MTSS1: variants seen among roughly 807,000 people sequenced by gnomAD.
The protein encoded by MTSS1 is MTSS I-BAR domain containing 1, also known as protein MTSS 1.
Under a neutral mutation model 79.0 loss-of-function variants are expected in MTSS1, and 18 were observed. The observed-to-expected ratio is 0.23, with a 90% CI of 0.16 to 0.34. The LOEUF is 0.34. Ranked by LOEUF, MTSS1 falls within the 10% of genes least tolerant of loss-of-function variation. The probability of loss-of-function intolerance (pLI) is 1.00; values close to 1 mark genes in which losing one functional copy is unlikely to be tolerated. For missense variants in MTSS1, 815 were observed against 986.2 expected (o/e 0.83, Z 2.33); for synonymous variants, 341 against 368.6 (o/e 0.93, Z 0.86).
intron 1 of MTSS1, among the ~76,000 whole-genome samples, chr8:124,705,043 C>T (rs79232599): frequency 0.014 from 2,193 of 152,174 alleles, 65 homozygotes; most frequent in African/African-American, 0.05. Context: ...AGGCAGGGAC[C>T]GACGTCTCCC....
chr8:124,553,400 G>T lies in MTSS1; in HGVS notation c.1860C>A (p.Thr620=), dbSNP rs772734706. The T allele has an allele frequency of 1.2e-6, 2 of 1,608,002 alleles. No individual in the cohort carries two copies. Among genetic ancestry groups the T allele is most frequent in the Non-Finnish European group, 1.7e-6 (2 of 1,175,566 alleles). ...CCCCTGGGAGGTCTGGGACGGTTGGGGTCTTGACAGGGATCACGGGTGTCT... is the reference window on the plus strand; with the variant it reads ...CCCCTGGGAGGTCTGGGACGGTTGGTGTCTTGACAGGGATCACGGGTGTCT... ...PIKTPVIPVK[T]PTVPDLPGVL... The change falls in exon 14 of 14, where the codon ACC becomes ACA. Residue 620 remains threonine, a synonymous_variant. Transcript: ENST00000518547. The surrounding 1 kb of genome is among the most constrained non-coding windows in gnomAD (Gnocchi z 6.0).
At chr8:124,592,961 G>T (rs13257822) in intron 3 of MTSS1, among the ~76,000 whole-genome samples, 1 of 152,032 alleles carries the variant, frequency 6.6e-6, no homozygotes, top group Admixed American at 6.5e-5. Flanking sequence ...GTTGAAACCA[G>T]TGCTGTAAAA....
At chr8:124,639,846 C>A (rs1208423702) in intron 3 of MTSS1, among the ~76,000 whole-genome samples, 1 of 152,202 alleles carries the variant, frequency 6.6e-6, no homozygotes, top group Non-Finnish European at 1.5e-5. Flanking sequence ...CGTTCAATTT[C>A]TTGCCCCAAT....
chr8:124,593,824 C>T (rs1367335557), intron 3 of MTSS1, among the ~76,000 whole-genome samples: 3 of 152,214 alleles, frequency 2.0e-5, no homozygotes, highest in Admixed American at 2.0e-4. Context: ...CATTTATCCC[C>T]TCAGGTATAT....
At chr8:124,602,188 C>CATATATATATATATATATATAT in intron 3 of MTSS1, among the ~76,000 whole-genome samples, 39 of 116,778 alleles carry the variant, frequency 3.3e-4, no homozygotes, top group African/African-American at 1.6e-3. Flanking sequence ...CATATATATA[C>CATATATATATATATATATATAT]ATATATATAT....
chr8:124,580,455 ACCTGGGCAG>A, intron 6 of MTSS1: 7 of 1,375,036 alleles, frequency 5.1e-6, no homozygotes, highest in Middle Eastern at 2.0e-4. Context: ...TGGTAGAAAA[ACCTGGGCAG>A]CTAGCAGAGG....
chr8:124,676,399 C>T (rs757195858), intron 3 of MTSS1, among the ~76,000 whole-genome samples: 3 of 152,202 alleles, frequency 2.0e-5, no homozygotes, highest in Non-Finnish European at 4.4e-5. Flanking sequence ...GTGACCAGAA[C>T]ACTCAGACCT....
rs78566090 is a variant in MTSS1 at position 124,727,963 on chromosome 8, G to A, written c.-8C>T. The A allele has an allele frequency of 0.057, 91,007 of 1,608,018 alleles. 3,039 individuals carry two copies. Among genetic ancestry groups the A allele is most frequent in the Admixed American group, 0.13 (7,784 of 59,338 alleles). Reference sequence around the variant, plus strand: ...CTCAATCACAGCCTCCATTTTCCCGGCTCCGGCAGGGCGAGGGCACACACG... The same window carrying A: ...CTCAATCACAGCCTCCATTTTCCCGACTCCGGCAGGGCGAGGGCACACACG... On this transcript the variant is annotated 5_prime_UTR_variant, in exon 1 of 14. Transcript: ENST00000518547. The surrounding 1 kb of genome is among the most constrained non-coding windows in gnomAD (Gnocchi z 4.7).
intron 3 of MTSS1, among the ~76,000 whole-genome samples, chr8:124,618,678 G>T (rs1812875162): frequency 6.6e-6 from 1 of 152,148 alleles, no homozygotes; most frequent in South Asian, 2.1e-4. Context: ...CTTCACACTG[G>T]CTCTGCAATG....
At chr8:124,704,251 A>C (rs988886257) in intron 1 of MTSS1, 60 bp from the exon 2 acceptor site, 8 of 1,403,482 alleles carry the variant, frequency 5.7e-6, no homozygotes, top group Non-Finnish European at 7.1e-6. Context: ...TTACTACATT[A>C]ACAGAGCACC....
At chr8:124,610,291 A>C (rs4464955) in intron 3 of MTSS1, among the ~76,000 whole-genome samples, 13,610 of 152,272 alleles carry the variant, frequency 0.089, 788 homozygotes, top group African/African-American at 0.16. Flanking sequence ...AAGTACCCAT[A>C]AGGCTGGAAC....
chr8:124,560,607 C>T (rs1042559363), intron 10 of MTSS1, among the ~76,000 whole-genome samples: 17 of 152,014 alleles, frequency 1.1e-4, no homozygotes, highest in Non-Finnish European at 1.3e-4. Context: ...CCTATGATCC[C>T]GCCACTGCAC....
chr8:124,558,668 G>C, intron 10 of MTSS1: 2 of 1,495,810 alleles, frequency 1.3e-6, no homozygotes, highest in Non-Finnish European at 1.8e-6. Context: ...CAGGCAGGGG[G>C]ACCAGGGAGA....
intron 3 of MTSS1, among the ~76,000 whole-genome samples, chr8:124,634,316 T>A (rs1297513180): frequency 6.6e-6 from 1 of 151,326 alleles, no homozygotes; most frequent in Admixed American, 6.6e-5. Flanking sequence ...GTTTTTTTTA[T>A]AGTTTTTTTT....
chr8:124,624,315 C>T (rs1004084079), intron 3 of MTSS1, among the ~76,000 whole-genome samples: 1 of 152,122 alleles, frequency 6.6e-6, no homozygotes, highest in African/African-American at 2.4e-5. Context: ...AAGAGTGCAC[C>T]CGCTTTCTGA....
At chr8:124,623,801 G>T (rs372272882) in intron 3 of MTSS1, among the ~76,000 whole-genome samples, 1 of 152,098 alleles carries the variant, frequency 6.6e-6, no homozygotes, top group Non-Finnish European at 1.5e-5. Context: ...CACCACACCC[G>T]ACTAATTTTT....
chr8:124,654,182 G>C (rs1230137304), intron 3 of MTSS1, among the ~76,000 whole-genome samples: 2 of 152,204 alleles, frequency 1.3e-5, no homozygotes, highest in East Asian at 1.9e-4. Flanking sequence ...AAAGAAAGGA[G>C]GGACAGGCCT....
At chr8:124,554,710 G>A (rs1416020542) in intron 13 of MTSS1, among the ~76,000 whole-genome samples, 3 of 152,232 alleles carry the variant, frequency 2.0e-5, no homozygotes, top group Non-Finnish European at 2.9e-5. Flanking sequence ...TATTGGTTGT[G>A]TGAATATGAG....
At chr8:124,568,265 C>T in intron 7 of MTSS1, 114 bp downstream of exon 7, 1 of 1,254,790 alleles carries the variant, frequency 8.0e-7, no homozygotes, top group Non-Finnish European at 1.1e-6. Context: ...GAGATACCAC[C>T]ATCATGATTC....
Sources: allele counts gnomAD v4.1 joint callset (sites outside exome capture counted in the v4.1 genomes callset), GRCh38; gene constraint gnomAD v4.1.1; non-coding constraint Gnocchi (gnomAD v3.1); transcripts MANE v1.5; gene names NCBI Gene and HGNC (gene_info 2026-07-23, HGNC 2026-07-21).